Variants in RCC1L observed in about 807,000 individuals in gnomAD.
RCC1L encodes the protein RCC1-like G exchanging factor-like protein.
A neutral mutation model predicts 58.6 loss-of-function variants in RCC1L; 46 were observed. The observed-to-expected ratio is 0.79, with a 90% CI of 0.62 to 1.00. RCC1L has a LOEUF of 1.00. Ranked by LOEUF, RCC1L falls within the 50% of genes least tolerant of loss-of-function variation. RCC1L has a pLI of 0.00. For missense variants in RCC1L, 636 were observed against 623.6 expected (o/e 1.02, Z -0.21); for synonymous variants, 281 against 262.9 (o/e 1.07, Z -0.67).
chr7:75,029,862 G>T (rs979868238), intron 10 of RCC1L, among the ~76,000 whole-genome samples: 2 of 152,158 alleles, frequency 1.3e-5, no homozygotes, highest in Non-Finnish European at 1.5e-5. Context: ...CCTGGTGGGG[G>T]CCCATTCAAA....
intron 10 of RCC1L, chr7:75,028,085 G>A (rs914209904): frequency 7.8e-6 from 12 of 1,530,816 alleles, no homozygotes; most frequent in African/African-American, 5.5e-5. Flanking sequence ...GGTGCCTGGC[G>A]GGGGAGGAAG....
intron 10 of RCC1L, among the ~76,000 whole-genome samples, chr7:75,050,540 C>T (rs1805872122): frequency 6.6e-6 from 1 of 152,208 alleles, no homozygotes; most frequent in Non-Finnish European, 1.5e-5. Flanking sequence ...CGTTCTTTCA[C>T]CCAAAACCCG....
chr7:75,037,663 C>T (rs1257150706), downstream of RCC1L, among the ~76,000 whole-genome samples: 1 of 152,124 alleles, frequency 6.6e-6, no homozygotes, highest in African/African-American at 2.4e-5. Flanking sequence ...TGCCATCACA[C>T]CCAGCTAATT....
intron 9 of RCC1L, 152 bp from the exon 10 acceptor site, chr7:75,052,948 C>G: frequency 1.3e-6 from 1 of 771,014 alleles, no homozygotes; most frequent in East Asian, 2.8e-5. Context: ...TCTTTGAAGG[C>G]AAAAGTAAGG....
intron 10 of RCC1L, among the ~76,000 whole-genome samples, chr7:75,035,405 CA>C (rs1328856779): frequency 6.6e-6 from 1 of 152,238 alleles, no homozygotes; most frequent in Non-Finnish European, 1.5e-5. Context: ...AGGAACAGCC[CA>C]AGTTGTATGC....
In RCC1L at chr7:75,073,049, A is replaced by T. The variant is rs782421362; in HGVS notation, c.324+365T>A. Among the ~76,000 whole-genome samples, 13 of 152,116 alleles carry T rather than the reference A, an allele frequency of 8.5e-5. 1 individual carries two copies. The South Asian group carries it at 2.7e-3, about 32-fold the overall frequency. On this transcript the variant is annotated intron_variant, in intron 1 of 10. Transcript: ENST00000610322. ...TGAATTTTGCTTTCCTAACATCAGA[A>T]CTCCTGCAGTCACGCTGGCCTGAGT...
At chr7:75,069,753 C>A (rs587730306) in intron 2 of RCC1L, among the ~76,000 whole-genome samples, 1 of 151,776 alleles carries the variant, frequency 6.6e-6, no homozygotes, top group Non-Finnish European at 1.5e-5. Context: ...TTAGTAGAGA[C>A]GGGGTTTCAC....
intron 10 of RCC1L, among the ~76,000 whole-genome samples, chr7:75,034,344 C>T (rs1805387751): frequency 6.6e-6 from 1 of 152,042 alleles, no homozygotes; most frequent in African/African-American, 2.4e-5. Context: ...AGTGAAATCC[C>T]GTCTCTACGA....
intron 2 of RCC1L, among the ~76,000 whole-genome samples, chr7:75,067,178 C>T (rs1806526069): frequency 6.6e-6 from 1 of 151,912 alleles, no homozygotes; most frequent in East Asian, 1.9e-4. Context: ...GCGGGCGCCT[C>T]TAATCCCAGC....
At chr7:75,065,893 C>T (rs1806456198) in intron 3 of RCC1L, among the ~76,000 whole-genome samples, 1 of 151,682 alleles carries the variant, frequency 6.6e-6, no homozygotes, top group South Asian at 2.1e-4. Context: ...TGGCAGGCAC[C>T]TGTAATCCCA....
chr7:75,043,498 C>A (rs1805627026), intron 10 of RCC1L, among the ~76,000 whole-genome samples: 1 of 152,240 alleles, frequency 6.6e-6, no homozygotes, highest in Non-Finnish European at 1.5e-5. Flanking sequence ...CTGACCCTAA[C>A]CCCACTAGGC....
At chr7:75,046,438 C>G (rs1264810333) in intron 10 of RCC1L, among the ~76,000 whole-genome samples, 1 of 152,194 alleles carries the variant, frequency 6.6e-6, no homozygotes, top group Admixed American at 6.5e-5. Flanking sequence ...CCTTGCTCCC[C>G]GAGGGCTCTG....
In RCC1L at chr7:75,058,736, G is replaced by A. The variant is rs1232240126; in HGVS notation, c.821C>T (p.Thr274Ile). The change falls in exon 7 of 11, where the codon ACC (threonine) becomes ATC (isoleucine). Residue 274 changes from threonine to isoleucine, a missense_variant. By Grantham distance (89) the Thr-to-Ile change is moderately conservative. Coordinates refer to ENST00000610322, the MANE Select transcript of RCC1L (RefSeq NM_030798.5). Reference protein sequence around the residue: ...LGHYNITSSPTKLGGDLAGVN... With the variant: ...LGHYNITSSPIKLGGDLAGVN... ...TCCCGCCAGGTCTCCACCCAGCTTG[G>A]TGGGCGAGCTGGTGATATTGTAGTG... is the stretch of plus-strand genomic sequence containing the variant. 30 of 1,613,846 alleles carry A rather than the reference G, an allele frequency of 1.9e-5. No individual in the cohort carries two copies. Among genetic ancestry groups the A allele is most frequent in the Non-Finnish European group, 2.3e-5 (27 of 1,179,856 alleles).
chr7:75,034,730 C>T (rs954242584), intron 10 of RCC1L, among the ~76,000 whole-genome samples: 1 of 152,162 alleles, frequency 6.6e-6, no homozygotes, highest in Non-Finnish European at 1.5e-5. Context: ...TTGCTCACTG[C>T]AGCCTCGAAC....
chr7:75,072,149 CATATACATATACATAT>C (rs1164416649), intron 1 of RCC1L, among the ~76,000 whole-genome samples: 4 of 35,902 alleles, frequency 1.1e-4, no homozygotes, highest in African/African-American at 2.6e-4. Flanking sequence ...TATACATATA[CATATACATATACATAT>C]ATATATATAT....
chr7:75,065,360 G>C (rs1370582303), intron 3 of RCC1L, among the ~76,000 whole-genome samples: 1 of 152,048 alleles, frequency 6.6e-6, no homozygotes, highest in Non-Finnish European at 1.5e-5. Context: ...TTCGAGGCCA[G>C]ACTGGCAAAC....
At chr7:75,066,567 G>A in intron 3 of RCC1L, 97 bp downstream of exon 3, 1 of 1,545,744 alleles carries the variant, frequency 6.5e-7, no homozygotes, top group Non-Finnish European at 8.8e-7. Flanking sequence ...ATTAGATGTG[G>A]CTCAATCGAT....
chr7:75,069,834 G>A (rs587691407), intron 2 of RCC1L, among the ~76,000 whole-genome samples: 4 of 151,068 alleles, frequency 2.6e-5, no homozygotes, highest in African/African-American at 9.7e-5. Flanking sequence ...CAAAGTGCTG[G>A]GATTACAGGC....
intron 3 of RCC1L, 120 bp downstream of exon 3, chr7:75,066,544 C>A (rs1219131561): frequency 4.7e-5 from 65 of 1,380,142 alleles, no homozygotes; most frequent in Non-Finnish European, 6.0e-5. Context: ...TCAGGAAATA[C>A]CACATTTCAC....
Sources: gnomAD v4.1 joint callset for allele counts (sites outside exome capture counted in the v4.1 genomes callset) on GRCh38, gnomAD v4.1.1 for gene constraint, MANE v1.5 for transcripts, NCBI Gene and HGNC (gene_info 2026-07-23, HGNC 2026-07-21) for gene names.